SMARCA4: variants seen among roughly 807,000 people sequenced by gnomAD.
SMARCA4 encodes SWI/SNF related BAF chromatin remodeling complex subunit ATPase 4.
Under a neutral mutation model 193.9 loss-of-function variants are expected in SMARCA4, and 31 were observed. That is an observed-to-expected ratio of 0.16 (90% CI 0.12 to 0.22). SMARCA4 has a LOEUF of 0.22. Ranked by LOEUF, SMARCA4 falls within the 10% of genes least tolerant of loss-of-function variation. The pLI is 1.00. For synonymous variants in SMARCA4, 942 were observed against 933.1 expected, an observed-to-expected ratio of 1.01 and a Z score of -0.17; for missense variants, 1,148 against 2,296.0, an observed-to-expected ratio of 0.50 and a Z score of 10.22.
At chr19:10,979,374 G>A (rs945455751) in intron 1 of SMARCA4, among the ~76,000 whole-genome samples, 9 of 151,596 alleles carry the variant, frequency 5.9e-5, no homozygotes, top group Non-Finnish European at 1.2e-4. Context: ...TAAAAAGAAC[G>A]GATGACTCTC....
intron 30 of SMARCA4, chr19:11,047,850 A>G (rs2076033795): frequency 6.6e-6 from 1 of 152,192 alleles, no homozygotes; most frequent in African/African-American, 2.4e-5. Flanking sequence ...CCCAGACCCC[A>G]CGTAAACAAA....
At chr19:11,038,543 G>C (rs11880259) in intron 29 of SMARCA4, among the ~76,000 whole-genome samples, 2 of 152,126 alleles carry the variant, frequency 1.3e-5, no homozygotes, top group Non-Finnish European at 2.9e-5. Flanking sequence ...TCTAAGACAT[G>C]TCTGCTCCAT....
At position 10,984,099 on chromosome 19, in the gene SMARCA4, A is replaced by G; in HGVS notation, c.-31-22A>G. 1 of 1,610,298 alleles carries G rather than the reference A, an allele frequency of 6.2e-7. No homozygotes were observed. The highest frequency in any genetic ancestry group is 1.1e-5 in the South Asian group (1 of 90,836). On this transcript the variant is annotated intron_variant, in intron 1 of 34. Transcript: ENST00000344626. This position sits in a 1 kb window ranked among gnomAD's most constrained non-coding sequence, Gnocchi z 4.3. ...CCTCGCCCTTGGTCATGAACCCCAG[A>G]CTGACCAGGACTGTCTTCCAGCAGG... is the stretch of plus-strand genomic sequence containing the variant.
rs1476458284 is a variant in SMARCA4, at chr19:11,008,015, C to A, written c.2115C>A (p.His705Gln). Residue 705 changes from histidine (H) to glutamine (Q), a missense_variant, in exon 14 of 35, where the codon CAC becomes CAA. Transcript: ENST00000344626. ...SDDVSEVDAR[H>Q]IIENAKQDVD... ...ACGTCTCTGAGGTGGACGCGCGGCA[C>A]ATCATTGAGTAAGGGGTCCCGACAC... The A allele has an allele frequency of 6.2e-7, 1 of 1,613,122 alleles. No homozygotes were observed. The highest frequency in any genetic ancestry group is 1.1e-5 in the South Asian group (1 of 91,002).
In SMARCA4 at chr19:11,056,953, G is replaced by A. The variant is rs3786726; in HGVS notation, c.4425-1302G>A. 5.3e-5 allele frequency among the ~76,000 whole-genome samples: 8 copies of A among 152,344 alleles called. No homozygotes were observed. The East Asian group carries it at 7.7e-4, about 15-fold the overall frequency. ...GCGCACTCAGGACACCCAAACAGAC[G>A]GCGGGGCCAGCCAGTGGCATGGGCG... On this transcript the variant is annotated intron_variant, in intron 30 of 34. Coordinates refer to ENST00000344626, the MANE Select transcript of SMARCA4 (RefSeq NM_003072.5).
At chr19:11,050,444 C>T (rs1407952359) in intron 30 of SMARCA4, among the ~76,000 whole-genome samples, 1 of 152,232 alleles carries the variant, frequency 6.6e-6, no homozygotes, top group African/African-American at 2.4e-5. Flanking sequence ...ACTGAAATAA[C>T]GTGGCCAGGC....
intron 1 of SMARCA4, among the ~76,000 whole-genome samples, chr19:10,966,619 G>C (rs2084241573): frequency 7.0e-6 from 1 of 142,662 alleles, no homozygotes; most frequent in Non-Finnish European, 1.5e-5. Context: ...GGGCGCGGTG[G>C]CTCATGCCTG....
At position 11,019,255 on chromosome 19, in the gene SMARCA4, C is replaced by G; in HGVS notation, c.2505+232C>G. Reference sequence around the variant, plus strand: ...AGACAGGAGTGAGCATGGTGGCCAGCACTCAGAGGCCAGCTCAGGCGCCTG... The same window carrying G: ...AGACAGGAGTGAGCATGGTGGCCAGGACTCAGAGGCCAGCTCAGGCGCCTG... On this transcript the variant is annotated intron_variant, in intron 17 of 34. Coordinates refer to ENST00000344626, the MANE Select transcript of SMARCA4 (RefSeq NM_003072.5). This position sits in a 1 kb window ranked among gnomAD's most constrained non-coding sequence, Gnocchi z 6.1. The G allele has an allele frequency of 4.8e-6, 3 of 629,258 alleles. No individual in the cohort carries two copies. The highest frequency in any genetic ancestry group is 8.6e-6 in the Non-Finnish European group (3 of 348,160). 39.0% of individuals were successfully genotyped at this position (629,258 alleles called of 1,614,324 possible).
chr19:11,022,070 GGT>G, intron 19 of SMARCA4, 103 bp downstream of exon 19: 1 of 1,549,026 alleles, frequency 6.5e-7, no homozygotes, highest in Non-Finnish European at 8.8e-7. Context: ...GCCTGTGCTG[GGT>G]GCCTGGTGAG....
rs187681043 is a variant in SMARCA4, at chr19:11,003,133, G to A, written c.1917G>A (p.Leu639=). 6.2e-7 allele frequency: 1 copy of A among 1,614,146 alleles called. No individual in the cohort carries two copies. The highest frequency in any genetic ancestry group is 2.2e-5 in the East Asian group (1 of 44,890). The stretch of plus-strand genomic sequence containing the variant: ...CAGATGCCCCCAAAGCCGGGCAGCT[G>A]GAGGCCTGGCTCGAGATGAACCCGG... ...TGTDAPKAGQ[L]EAWLEMNPGY... The change falls in exon 12 of 35, where the codon CTG becomes CTA. Residue 639 remains leucine, a synonymous_variant. Coordinates refer to ENST00000344626, the MANE Select transcript of SMARCA4 (RefSeq NM_003072.5).
At chr19:10,994,724 G>T in intron 8 of SMARCA4, 104 bp from the exon 9 acceptor site, 4 of 994,670 alleles carry the variant, frequency 4.0e-6, no homozygotes, top group Non-Finnish European at 4.8e-6. Context: ...CTCCCAAAGC[G>T]CTGGGATTAC....
Position 10,987,971 on chromosome 19 carries a change from T to A in SMARCA4, c.1118+47T>A. 1 of 1,598,776 alleles carries A rather than the reference T, an allele frequency of 6.3e-7. No homozygotes were observed. Among genetic ancestry groups the A allele is most frequent in the Non-Finnish European group, 8.5e-7 (1 of 1,170,446 alleles). ...CAAGGTCACTGCCCTGTGTCCCCCATGTCCCCCTGGGGAAGCCACTCAACT... is the reference window on the plus strand; with the variant it reads ...CAAGGTCACTGCCCTGTGTCCCCCAAGTCCCCCTGGGGAAGCCACTCAACT... On this transcript the variant is annotated intron_variant, in intron 6 of 34. Coordinates refer to ENST00000344626, the MANE Select transcript of SMARCA4 (RefSeq NM_003072.5). This position sits in a 1 kb window ranked among gnomAD's most constrained non-coding sequence, Gnocchi z 5.3.
chr19:10,969,806 G>C lies in SMARCA4; in HGVS notation c.-32+8632G>C, dbSNP rs991149853. ...CTTGCCTCATCTCTTGCCCTCACTTGCACATCCATTCCATCAGCATGTCCA... is the reference window on the plus strand; with the variant it reads ...CTTGCCTCATCTCTTGCCCTCACTTCCACATCCATTCCATCAGCATGTCCA... On this transcript the variant is annotated intron_variant, in intron 1 of 34. Coordinates refer to ENST00000344626, the MANE Select transcript of SMARCA4 (RefSeq NM_003072.5). Among the ~76,000 whole-genome samples, 9 of 152,010 alleles carry C rather than the reference G, an allele frequency of 5.9e-5. No individual in the cohort carries two copies. In the East Asian group the frequency reaches 1.7e-3, roughly 29 times the overall value.
Position 11,035,138 on chromosome 19 carries a change from T to C in SMARCA4, c.4170+6T>C, listed in dbSNP as rs1060502065. ...CGGAGAAGCAGTGGCTCAAGGTACATGCTGGAGAGGCCCAGCAGCTGCCGC... is the reference window on the plus strand; with the variant it reads ...CGGAGAAGCAGTGGCTCAAGGTACACGCTGGAGAGGCCCAGCAGCTGCCGC... On this transcript the variant is annotated splice_donor_region_variant and intron_variant, in intron 29 of 34. Coordinates refer to ENST00000344626, the MANE Select transcript of SMARCA4 (RefSeq NM_003072.5). 1 of 1,609,744 alleles carries C rather than the reference T, an allele frequency of 6.2e-7. No homozygotes were observed. Among genetic ancestry groups the C allele is most frequent in the South Asian group, 1.1e-5 (1 of 90,628 alleles).
chr19:11,015,524 G>T (rs901221512), intron 16 of SMARCA4, among the ~76,000 whole-genome samples: 3 of 152,162 alleles, frequency 2.0e-5, no homozygotes, highest in Non-Finnish European at 2.9e-5. Flanking sequence ...TGGTGTCTCG[G>T]GCAAGGTGCC....
Position 11,041,162 on chromosome 19 carries a change from T to A in SMARCA4, c.4171-145T>A, listed in dbSNP as rs1219412047. 1.1e-5 allele frequency: 9 copies of A among 827,390 alleles called. No homozygotes were observed. The highest frequency in any genetic ancestry group is 1.7e-5 in the African/African-American group (1 of 58,808). The allele number at this position is 827,390 out of a possible 1,614,324, so 51.3% of individuals were successfully genotyped here. On this transcript the variant is annotated intron_variant, in intron 29 of 34. Coordinates refer to ENST00000344626, the MANE Select transcript of SMARCA4 (RefSeq NM_003072.5). This position sits in a 1 kb window ranked among gnomAD's most constrained non-coding sequence, Gnocchi z 5.6. ...CACCCCTTGAGAGTCCCAGTGTGTGTTATGCCCCGAGCCAGTCAAGCTGAA... is the reference window on the plus strand; with the variant it reads ...CACCCCTTGAGAGTCCCAGTGTGTGATATGCCCCGAGCCAGTCAAGCTGAA...
chr19:11,061,932 A>G lies in SMARCA4; in HGVS notation c.*116A>G. 1 of 985,878 alleles carries G rather than the reference A, an allele frequency of 1.0e-6. No individual in the cohort carries two copies. The highest frequency in any genetic ancestry group is 1.3e-5 in the South Asian group (1 of 77,778). The allele number at this position is 985,878 out of a possible 1,614,324, so 61.1% of individuals were successfully genotyped here. ...TTCAGACTTGGAGTAAAACTGTATA[A>G]ACAAAAGAATCTTCCATATTTATAC... On this transcript the variant is annotated 3_prime_UTR_variant, in exon 35 of 35. Coordinates refer to ENST00000344626, the MANE Select transcript of SMARCA4 (RefSeq NM_003072.5).
At chr19:11,042,698 C>T (rs962169413) in intron 30 of SMARCA4, among the ~76,000 whole-genome samples, 1 of 152,164 alleles carries the variant, frequency 6.6e-6, no homozygotes, top group Non-Finnish European at 1.5e-5. Flanking sequence ...TCAAAATTAC[C>T]GCGCAAGGCC....
chr19:11,014,044 A>G (rs1304166442), intron 16 of SMARCA4, among the ~76,000 whole-genome samples: 1 of 152,164 alleles, frequency 6.6e-6, no homozygotes, highest in Non-Finnish European at 1.5e-5. Flanking sequence ...TCACATGTCC[A>G]GCAAGCAGAC....
Sources: gnomAD v4.1 joint callset for allele counts (sites outside exome capture counted in the v4.1 genomes callset) on GRCh38, gnomAD v4.1.1 for gene constraint, Gnocchi (gnomAD v3.1) non-coding constraint, MANE v1.5 for transcripts, NCBI Gene and HGNC (gene_info 2026-07-23, HGNC 2026-07-21) for gene names.